PCDHA4: variants seen among roughly 807,000 people sequenced by gnomAD.
PCDHA4 encodes the protein protocadherin alpha-4.
PCDHA4 carries 49 observed loss-of-function variants against 61.4 expected under a neutral mutation model. The observed-to-expected ratio is 0.80, with a 90% CI of 0.63 to 1.01. The LOEUF (loss-of-function observed/expected upper bound fraction) is 1.01, where lower values mean the gene tolerates loss of function less well. Among genes scored for constraint, PCDHA4 ranks in the 50% least tolerant of loss-of-function variants. The pLI is 0.00. For missense variants in PCDHA4, 1,254 were observed against 1,235.8 expected (o/e 1.01, Z -0.22); for synonymous variants, 590 against 550.3 (o/e 1.07, Z -1.01).
intron 3 of PCDHA4, among the ~76,000 whole-genome samples, chr5:140,984,822 AC>A (rs1398539032): frequency 6.6e-6 from 1 of 152,126 alleles, no homozygotes; most frequent in Non-Finnish European, 1.5e-5. Flanking sequence ...TTTCTTAATT[AC>A]CCTTTCTGTA....
chr5:140,867,681 A>G (rs759356211), intron 1 of PCDHA4: 2 of 152,096 alleles, frequency 1.3e-5, no homozygotes, highest in African/African-American at 2.4e-5. Flanking sequence ...ATTTTGTTGC[A>G]TCTTCTTTTT....
chr5:140,992,363 G>T (rs1028043863), intron 3 of PCDHA4, among the ~76,000 whole-genome samples: 2 of 152,136 alleles, frequency 1.3e-5, no homozygotes, highest in Non-Finnish European at 2.9e-5. Context: ...GAGAAAAATG[G>T]TTCCCATTAC....
intron 1 of PCDHA4, chr5:140,822,745 A>T: frequency 6.2e-7 from 1 of 1,613,762 alleles, no homozygotes; most frequent in African/African-American, 1.3e-5. Context: ...TGCCATGGAT[A>T]AAAGTACATT....
chr5:140,890,739 C>T (rs1202760840), intron 1 of PCDHA4, among the ~76,000 whole-genome samples: 1 of 152,112 alleles, frequency 6.6e-6, no homozygotes, highest in Non-Finnish European at 1.5e-5. Flanking sequence ...GACTTATATA[C>T]TATTTCTGTC....
intron 1 of PCDHA4, among the ~76,000 whole-genome samples, chr5:140,937,632 G>T (rs1228752133): frequency 1.3e-5 from 2 of 150,132 alleles, no homozygotes; most frequent in Admixed American, 1.3e-4. Flanking sequence ...AAAAAGAAAG[G>T]CAGGGCATGG....
intron 1 of PCDHA4, chr5:140,883,283 G>A (rs782514861): frequency 1.2e-6 from 2 of 1,614,034 alleles, no homozygotes; most frequent in Admixed American, 3.3e-5. Context: ...CCTTTTGGTG[G>A]AAGTACTAGA....
intron 1 of PCDHA4, chr5:140,877,564 G>A (rs782415331): frequency 1.2e-5 from 20 of 1,613,652 alleles, no homozygotes; most frequent in Middle Eastern, 3.3e-4. Context: ...GGATATTAAC[G>A]TGTACCTCAT....
intron 1 of PCDHA4, chr5:140,821,907 T>C: frequency 6.2e-7 from 1 of 1,614,212 alleles, no homozygotes; most frequent in Non-Finnish European, 8.5e-7. Context: ...GAACCTTCGT[T>C]GGCCGCATCG....
intron 1 of PCDHA4, chr5:140,868,989 C>T (rs1280457697): frequency 1.3e-6 from 2 of 1,506,850 alleles, no homozygotes; most frequent in Non-Finnish European, 1.8e-6. Context: ...CGGATGCCAC[C>T]GTTTAAGGAT....
chr5:140,830,518 T>G (rs933465467), intron 1 of PCDHA4: 1 of 1,345,070 alleles, frequency 7.4e-7, no homozygotes, highest in Admixed American at 2.6e-5. Flanking sequence ...CAGTTAATTT[T>G]TATTTTAAAT....
chr5:140,941,578 G>A (rs1007298745), intron 1 of PCDHA4, among the ~76,000 whole-genome samples: 3 of 151,774 alleles, frequency 2.0e-5, no homozygotes, highest in Non-Finnish European at 4.4e-5. Context: ...GCCTCCCAAA[G>A]TGCTGGGATT....
rs1554125129 is a variant in PCDHA4, at chr5:140,809,304, C to A, written c.2117C>A (p.Ala706Glu). 4 of 1,614,122 alleles carry A rather than the reference C, an allele frequency of 2.5e-6. No individual in the cohort carries two copies. In the Admixed American group the frequency reaches 6.7e-5, roughly 27 times the overall value. Residue 706 changes from alanine to glutamate, a missense_variant, in exon 1 of 4, where the codon GCG (alanine) becomes GAG (glutamate). Coordinates refer to ENST00000530339, the MANE Select transcript of PCDHA4 (RefSeq NM_018907.4). ...GTATACCTGATCATTGCCATCTGCGCGGTGTCCAGCCTTTTGGTGCTCACG... is the reference window on the plus strand; with the variant it reads ...GTATACCTGATCATTGCCATCTGCGAGGTGTCCAGCCTTTTGGTGCTCACG... ...VNVYLIIAICAVSSLLVLTLL... is the reference protein window; with the variant it reads ...VNVYLIIAICEVSSLLVLTLL...
chr5:140,875,564 T>C (rs1327477761), intron 1 of PCDHA4: 1 of 1,614,048 alleles, frequency 6.2e-7, no homozygotes, highest in African/African-American at 1.3e-5. Flanking sequence ...AGCGGCCAGC[T>C]CCACTACTCC....
At chr5:140,865,318 CT>C (rs1554159374) in intron 1 of PCDHA4, 1 of 152,042 alleles carries the variant, frequency 6.6e-6, no homozygotes, top group Non-Finnish European at 1.5e-5. Flanking sequence ...ATGAGATGGC[CT>C]TTAATTCTGT....
In PCDHA4 at chr5:140,871,231, C is replaced by A. The variant is rs371096811; in HGVS notation, c.2385+61659C>A. The A allele has an allele frequency of 1.9e-6, 3 of 1,613,814 alleles. No individual in the cohort carries two copies. The African/African-American group carries it at 4.0e-5, about 22-fold the overall frequency. On this transcript the variant is annotated intron_variant, in intron 1 of 3. Coordinates refer to ENST00000530339, the MANE Select transcript of PCDHA4 (RefSeq NM_018907.4). ...CGCCATCTGCGTGGTGTCCAGCCTC[C>A]TGGTACTCACGCTGCTGCTGTATAC...
intron 1 of PCDHA4, chr5:140,929,236 A>C (rs782440521): frequency 3.1e-6 from 5 of 1,613,890 alleles, no homozygotes; most frequent in Non-Finnish European, 3.4e-6. Flanking sequence ...CGACCTGCGA[A>C]ATCTTGCCAC....
rs1432649344 is a variant in PCDHA4, at chr5:140,870,194, C to T, written c.2385+60622C>T. ...CTCCCAGTACGAGAGGACGCTCAGC[C>T]CAGCACGGTCATTGCCCTGATCAGC... On this transcript the variant is annotated intron_variant, in intron 1 of 3. Transcript: ENST00000530339. 5.0e-6 allele frequency: 8 copies of T among 1,614,050 alleles called. No homozygotes were observed. Among genetic ancestry groups the T allele is most frequent in the Non-Finnish European group, 5.9e-6 (7 of 1,180,054 alleles).
intron 1 of PCDHA4, chr5:140,871,720 TA>T: frequency 1.3e-6 from 1 of 767,368 alleles, no homozygotes; most frequent in Non-Finnish European, 2.0e-6. Flanking sequence ...CTATTTCTCT[TA>T]ATATTTGGTT....
chr5:140,836,593 C>T, intron 1 of PCDHA4: 1 of 1,613,672 alleles, frequency 6.2e-7, no homozygotes, highest in Non-Finnish European at 8.5e-7. Context: ...TTGGTAAAGC[C>T]CACTCTGGTG....
Sources: gnomAD v4.1 joint callset for allele counts (sites outside exome capture counted in the v4.1 genomes callset) on GRCh38, gnomAD v4.1.1 for gene constraint, MANE v1.5 for transcripts, NCBI Gene and HGNC (gene_info 2026-07-23, HGNC 2026-07-21) for gene names.